The following DHDDS variants were observed in gnomAD, a reference collection of about 807,000 sequenced individuals.
The protein encoded by DHDDS is dehydrodolichyl diphosphate synthase complex subunit DHDDS.
A neutral mutation model predicts 46.2 loss-of-function variants in DHDDS; 16 were observed. The observed-to-expected ratio is 0.35, with a 90% confidence interval of 0.23 to 0.53. The LOEUF is 0.53. Among genes scored for constraint, DHDDS ranks in the 20% least tolerant of loss-of-function variants. The probability of loss-of-function intolerance (pLI) is 0.94; values close to 1 mark genes in which losing one functional copy is unlikely to be tolerated. For synonymous variants in DHDDS, 151 were observed against 163.1 expected (o/e 0.93, Z 0.56); for missense variants, 340 against 423.7 (o/e 0.80, Z 1.73).
intron 6 of DHDDS, chr1:26,455,315 G>C (rs893744137): frequency 2.4e-5 from 12 of 509,528 alleles, no homozygotes; most frequent in African/African-American, 3.8e-5. Context: ...ATGCTGCCAA[G>C]ACAAGATTGT....
At chr1:26,468,858 T>C (rs1302764734) in intron 8 of DHDDS, 37 bp from the exon 9 acceptor site, 2 of 1,179,696 alleles carry the variant, frequency 1.7e-6, no homozygotes, top group Admixed American at 2.8e-5. Context: ...CTCCTAAAAA[T>C]GATCTCCCCA....
intron 4 of DHDDS, among the ~76,000 whole-genome samples, chr1:26,444,188 G>A (rs1420461233): frequency 2.0e-5 from 3 of 152,186 alleles, no homozygotes; most frequent in Admixed American, 6.5e-5. Context: ...AATGGTCTTC[G>A]TTTATCATGA....
intron 8 of DHDDS, among the ~76,000 whole-genome samples, chr1:26,461,873 T>C (rs889705252): frequency 1.3e-5 from 2 of 152,148 alleles, no homozygotes; most frequent in Non-Finnish European, 2.9e-5. Flanking sequence ...AAAGGCACAA[T>C]TATCCACTGT....
At chr1:26,442,209 G>A (rs187569472) in intron 3 of DHDDS, among the ~76,000 whole-genome samples, 15 of 152,318 alleles carry the variant, frequency 9.8e-5, no homozygotes, top group African/African-American at 3.6e-4. Flanking sequence ...ACCCTTTGCA[G>A]GCTATTAAAT....
chr1:26,453,490 C>T (rs1304650045), intron 6 of DHDDS, among the ~76,000 whole-genome samples: 2 of 152,168 alleles, frequency 1.3e-5, no homozygotes, highest in African/African-American at 2.4e-5. Context: ...GGTGCAGTGG[C>T]TCATACCTGT....
intron 8 of DHDDS, among the ~76,000 whole-genome samples, chr1:26,460,922 G>A (rs181336159): frequency 7.2e-5 from 11 of 152,204 alleles, no homozygotes; most frequent in East Asian, 1.9e-4. Flanking sequence ...TGCCCAGGCC[G>A]GAGTGCAGTG....
At chr1:26,455,702 C>T (rs1304730543) in intron 6 of DHDDS, among the ~76,000 whole-genome samples, 1 of 152,034 alleles carries the variant, frequency 6.6e-6, no homozygotes, top group South Asian at 2.1e-4. Context: ...GCCAAGATTG[C>T]GCCACTGCAC....
At position 26,457,849 on chromosome 1, in the gene DHDDS, G is replaced by A. The variant is rs1386391151; in HGVS notation, c.601G>A (p.Asp201Asn). 1.2e-6 allele frequency: 2 copies of A among 1,613,956 alleles called. No homozygotes were observed. Among genetic ancestry groups the A allele is most frequent in the South Asian group, 2.2e-5 (2 of 91,060 alleles). Reference sequence around the variant, plus strand: ...CTATACCAACCGCTCTCCTCATCCTGACATCTTGATACGGACTTCTGGAGA... The same window carrying A: ...CTATACCAACCGCTCTCCTCATCCTAACATCTTGATACGGACTTCTGGAGA... ...CLYTNRSPHP[D>N]ILIRTSGEVR... The change falls in exon 7 of 9, where the codon GAC (aspartate) becomes AAC (asparagine). Residue 201 changes from aspartate (D) to asparagine (N), a missense_variant. Asp to Asn is a conservative substitution (Grantham distance 23). Around this residue, in one of 2 missense-constraint regions of DHDDS, gnomAD observed 268 missense variants for 300.3 expected, o/e 0.89. Transcript: ENST00000236342.
At chr1:26,454,655 TTG>T in intron 6 of DHDDS, 4 of 1,410,200 alleles carry the variant, frequency 2.8e-6, no homozygotes, top group Non-Finnish European at 3.9e-6. Flanking sequence ...CCATAAGTTT[TTG>T]TTTCTTCAGT....
rs2075556130 is a variant in DHDDS at position 26,471,278 on chromosome 1, A to G, written c.*2147A>G. 2 of 152,234 alleles carry G rather than the reference A, an allele frequency of 1.3e-5. No individual in the cohort carries two copies. Among genetic ancestry groups the G allele is most frequent in the African/African-American group, 4.8e-5 (2 of 41,454 alleles). The allele number at this position is 152,234 out of a possible 1,614,324, so 9.4% of individuals were successfully genotyped here. A position where few individuals can be genotyped will look rare whatever the true frequency, so the allele number is the denominator to read the frequency against. On this transcript the variant is annotated 3_prime_UTR_variant, in exon 9 of 9. Transcript: ENST00000236342. ...TATTCTTGTGTGCTGGGTCTCAAAT[A>G]GAATTTTTAAAGATTCTTAGATGTA... is the stretch of plus-strand genomic sequence containing the variant.
intron 4 of DHDDS, among the ~76,000 whole-genome samples, chr1:26,445,400 C>T (rs755259226): frequency 6.6e-6 from 1 of 152,156 alleles, no homozygotes; most frequent in Non-Finnish European, 1.5e-5. Context: ...CACATGAGGT[C>T]GTGTAATGTA....
At chr1:26,446,869 C>CA in intron 5 of DHDDS, among the ~76,000 whole-genome samples, 1 of 152,270 alleles carries the variant, frequency 6.6e-6, no homozygotes, top group East Asian at 1.9e-4. Flanking sequence ...GAATAGAGTT[C>CA]AATAATCCAA....
chr1:26,470,270 A>C lies in DHDDS; in HGVS notation c.*1139A>C, dbSNP rs1486216427. 2 of 151,700 alleles carry C rather than the reference A, an allele frequency of 1.3e-5. No homozygotes were observed. Among genetic ancestry groups the C allele is most frequent in the Non-Finnish European group, 2.9e-5 (2 of 68,100 alleles). 9.4% of individuals were successfully genotyped at this position (151,700 alleles called of 1,614,324 possible). On this transcript the variant is annotated 3_prime_UTR_variant, in exon 9 of 9. Transcript: ENST00000236342. ...CCCACACCGGCAAGTACCAGCCAGC[A>C]ACACCAACCAAATGCTACTCTCTTT...
At chr1:26,446,172 G>A in intron 4 of DHDDS, 144 bp from the exon 5 acceptor site, 2 of 632,688 alleles carry the variant, frequency 3.2e-6, no homozygotes, top group Admixed American at 2.8e-5. Flanking sequence ...TTGTTGAAGG[G>A]ATGCAATGAA....
chr1:26,439,845 TAAG>T (rs1301684420), intron 3 of DHDDS, among the ~76,000 whole-genome samples: 1 of 152,102 alleles, frequency 6.6e-6, no homozygotes, highest in East Asian at 1.9e-4. Flanking sequence ...GTGAAATTTT[TAAG>T]AAGAATGGAG....
intron 6 of DHDDS, among the ~76,000 whole-genome samples, chr1:26,450,322 T>C (rs542066520): frequency 4.3e-4 from 65 of 152,306 alleles, no homozygotes; most frequent in Non-Finnish European, 7.8e-4. Context: ...TTTATATTTA[T>C]TTTTTGTAAA....
At position 26,469,048 on chromosome 1, in the gene DHDDS, G is replaced by C. The variant is rs762740714; in HGVS notation, c.919G>C (p.Glu307Gln). Residue 307 changes from glutamate (E) to glutamine (Q), a missense_variant, in exon 9 of 9, where the codon GAA becomes CAA. Physicochemically the swap from Glu to Gln is conservative, Grantham distance 29. Coordinates refer to ENST00000236342, the MANE Select transcript of DHDDS (RefSeq NM_205861.3). ...TRLHKLSARR[E>Q]ERVQGFLQAL... ...CTTGCACAAACTCTCGGCCAGACGGGAAGAGCGAGTCCAAGGCTTCCTGCA... is the reference window on the plus strand; with the variant it reads ...CTTGCACAAACTCTCGGCCAGACGGCAAGAGCGAGTCCAAGGCTTCCTGCA... 4.3e-6 allele frequency: 7 copies of C among 1,613,826 alleles called. No homozygotes were observed. The highest frequency in any genetic ancestry group is 5.9e-6 in the Non-Finnish European group (7 of 1,180,054).
chr1:26,440,738 C>G (rs1271630466), intron 3 of DHDDS, among the ~76,000 whole-genome samples: 1 of 152,060 alleles, frequency 6.6e-6, no homozygotes, highest in African/African-American at 2.4e-5. Context: ...GATTTGTTTG[C>G]TTGTATGTTT....
intron 6 of DHDDS, among the ~76,000 whole-genome samples, chr1:26,449,884 A>G (rs1019060015): frequency 6.6e-6 from 1 of 152,208 alleles, no homozygotes; most frequent in African/African-American, 2.4e-5. Context: ...TACAGTGGAT[A>G]GTGGTGCCCT....
Sources: allele counts gnomAD v4.1 joint callset (sites outside exome capture counted in the v4.1 genomes callset), GRCh38; gene constraint gnomAD v4.1.1; regional missense constraint gnomAD v4.1.1; transcripts MANE v1.5; gene names NCBI Gene and HGNC (gene_info 2026-07-23, HGNC 2026-07-21).